B3GALT1: variants seen among roughly 807,000 people sequenced by gnomAD.
B3GALT1 encodes the protein beta-1,3-galactosyltransferase 1.
In B3GALT1, 10 loss-of-function variants were observed where a neutral mutation model predicts 23.2. The ratio of observed to expected loss-of-function variants is 0.43; its 90% CI spans 0.27 to 0.73. The LOEUF (loss-of-function observed/expected upper bound fraction) is 0.73, where lower values mean the gene tolerates loss of function less well. Among genes scored for constraint, B3GALT1 ranks in the 30% least tolerant of loss-of-function variants. The pLI, the probability that B3GALT1 is intolerant of heterozygous loss-of-function variation, is 0.21. For missense variants in B3GALT1, 299 were observed against 405.4 expected (o/e 0.74, Z 2.25); for synonymous variants, 156 against 141.5 (o/e 1.10, Z -0.73).
intron 3 of B3GALT1, among the ~76,000 whole-genome samples, chr2:167,729,295 G>C (rs968131750): frequency 1.3e-5 from 2 of 152,200 alleles, no homozygotes; most frequent in Non-Finnish European, 2.9e-5. Flanking sequence ...GACAAACATT[G>C]TCTGCTTCTT....
At position 167,869,230 on chromosome 2, in the gene B3GALT1, A is replaced by C. The variant is rs757583316; in HGVS notation, c.191A>C (p.Glu64Ala). The change falls in exon 5 of 5, where the codon GAA becomes GCA. Residue 64 changes from glutamate to alanine, a missense_variant. This residue lies in a region of B3GALT1 where 162 missense variants were observed against 184.1 expected (regional missense o/e 0.88). Coordinates refer to ENST00000392690, the MANE Select transcript of B3GALT1 (RefSeq NM_020981.4). The surrounding 1 kb of genome is among the most constrained non-coding windows in gnomAD (Gnocchi z 6.4). Reference sequence around the variant, plus strand: ...CGACCTATCAACCCACATTCTTTTGAATTTCTTATCAACGAGCCCAATAAA... The same window carrying C: ...CGACCTATCAACCCACATTCTTTTGCATTTCTTATCAACGAGCCCAATAAA... ...RTRPINPHSFEFLINEPNKCE... is the reference protein window; with the variant it reads ...RTRPINPHSFAFLINEPNKCE... 3 of 1,614,148 alleles carry C rather than the reference A, an allele frequency of 1.9e-6. No individual in the cohort carries two copies. Among genetic ancestry groups the C allele is most frequent in the Non-Finnish European group, 2.5e-6 (3 of 1,180,018 alleles).
intron 1 of B3GALT1, among the ~76,000 whole-genome samples, chr2:167,362,080 C>G (rs1697509039): frequency 6.6e-6 from 1 of 151,876 alleles, no homozygotes; most frequent in Non-Finnish European, 1.5e-5. Flanking sequence ...TCTCAAAAAA[C>G]AAAACAAAAT....
At chr2:167,355,989 G>T (rs1697395775) in intron 1 of B3GALT1, among the ~76,000 whole-genome samples, 1 of 152,144 alleles carries the variant, frequency 6.6e-6, no homozygotes, top group African/African-American at 2.4e-5. Context: ...GATTCATACA[G>T]TTTCCTAGTT....
At chr2:167,547,520 C>T (rs1017935715) in intron 2 of B3GALT1, among the ~76,000 whole-genome samples, 2 of 152,082 alleles carry the variant, frequency 1.3e-5, no homozygotes, top group Admixed American at 1.3e-4. Flanking sequence ...CATGGCAAAA[C>T]CCCTCTCTAC....
At chr2:167,856,106 G>A (rs896966042) in intron 4 of B3GALT1, among the ~76,000 whole-genome samples, 18 of 152,210 alleles carry the variant, frequency 1.2e-4, no homozygotes, top group African/African-American at 4.1e-4. Context: ...CATCTATGTC[G>A]ATGAACAAAA....
chr2:167,566,424 C>G (rs1048832304), intron 2 of B3GALT1, among the ~76,000 whole-genome samples: 6 of 151,714 alleles, frequency 4.0e-5, no homozygotes, highest in African/African-American at 1.5e-4. Flanking sequence ...ATGGGTGCAG[C>G]ACACCATCAT....
chr2:167,738,802 T>G (rs1297195391), intron 3 of B3GALT1, among the ~76,000 whole-genome samples: 1 of 140,000 alleles, frequency 7.1e-6, no homozygotes, highest in South Asian at 2.3e-4. Flanking sequence ...TGTATACTTT[T>G]GTGGGACCAA....
At chr2:167,386,772 G>A (rs1021227631) in intron 1 of B3GALT1, among the ~76,000 whole-genome samples, 3 of 152,126 alleles carry the variant, frequency 2.0e-5, no homozygotes, top group African/African-American at 7.2e-5. Context: ...GTATCCTTCC[G>A]CTTCTGGAAT....
chr2:167,506,676 A>G (rs149043988), intron 2 of B3GALT1, among the ~76,000 whole-genome samples: 18 of 152,338 alleles, frequency 1.2e-4, no homozygotes, highest in Admixed American at 2.0e-4. Context: ...CTAATACAGG[A>G]GACACATTAT....
chr2:167,843,609 A>G (rs1223659576), intron 4 of B3GALT1, among the ~76,000 whole-genome samples: 1 of 152,184 alleles, frequency 6.6e-6, no homozygotes, highest in African/African-American at 2.4e-5. Flanking sequence ...AACCAGGAAG[A>G]CTTCAAACCA....
At chr2:167,604,365 A>G (rs541205652) in intron 2 of B3GALT1, among the ~76,000 whole-genome samples, 12 of 152,370 alleles carry the variant, frequency 7.9e-5, no homozygotes, top group African/African-American at 2.9e-4. Context: ...GTTTGATTAC[A>G]TATCAAAAAC....
rs1039479618 is a variant in B3GALT1 at position 167,324,926 on chromosome 2, C to T, written c.-511+31592C>T. Among the ~76,000 whole-genome samples the T allele has an allele frequency of 2.6e-5, 4 of 152,214 alleles. No individual in the cohort carries two copies. The South Asian group carries it at 6.2e-4, about 24-fold the overall frequency. Reference sequence around the variant, plus strand: ...TCTCTCATTCCACTCTCCACCTCTACGTGGTCTACTTCTGTAGCTCCCACA... The same window carrying T: ...TCTCTCATTCCACTCTCCACCTCTATGTGGTCTACTTCTGTAGCTCCCACA... On this transcript the variant is annotated intron_variant, in intron 1 of 4. Transcript: ENST00000392690.
At chr2:167,740,020 G>T (rs894617484) in intron 3 of B3GALT1, among the ~76,000 whole-genome samples, 2 of 151,230 alleles carry the variant, frequency 1.3e-5, no homozygotes, top group South Asian at 2.1e-4. Context: ...GATCACTTGA[G>T]CCCAGGAGTT....
intron 1 of B3GALT1, among the ~76,000 whole-genome samples, chr2:167,386,954 A>G (rs974818523): frequency 5.3e-5 from 8 of 151,938 alleles, no homozygotes; most frequent in Non-Finnish European, 7.4e-5. Context: ...CGCTTGAGTG[A>G]CTCCTTGGTT....
At chr2:167,519,418 T>A (rs936873707) in intron 2 of B3GALT1, among the ~76,000 whole-genome samples, 2 of 152,012 alleles carry the variant, frequency 1.3e-5, no homozygotes, top group Non-Finnish European at 2.9e-5. Context: ...CAATTAAATT[T>A]AATTTAATTT....
chr2:167,539,952 C>T (rs1215850188), intron 2 of B3GALT1, among the ~76,000 whole-genome samples: 1 of 151,958 alleles, frequency 6.6e-6, no homozygotes, highest in East Asian at 1.9e-4. Flanking sequence ...TAACTCTATT[C>T]CTTCAGGAGA....
intron 2 of B3GALT1, among the ~76,000 whole-genome samples, chr2:167,537,766 GA>G (rs1389057790): frequency 1.3e-5 from 2 of 150,886 alleles, no homozygotes; most frequent in African/African-American, 4.9e-5. Context: ...AAAAATCTAT[GA>G]TTTCTAAAAG....
At chr2:167,332,810 T>C (rs1171279535) in intron 1 of B3GALT1, among the ~76,000 whole-genome samples, 1 of 152,222 alleles carries the variant, frequency 6.6e-6, no homozygotes, top group East Asian at 1.9e-4. Flanking sequence ...ATCATCAATC[T>C]TACTGTTATC....
chr2:167,619,500 A>G (rs1236921835), intron 2 of B3GALT1, among the ~76,000 whole-genome samples: 1 of 152,114 alleles, frequency 6.6e-6, no homozygotes, highest in Non-Finnish European at 1.5e-5. Flanking sequence ...TTTTGAGAGA[A>G]CACTTCTGTA....
Sources: allele counts gnomAD v4.1 joint callset (sites outside exome capture counted in the v4.1 genomes callset), GRCh38; gene constraint gnomAD v4.1.1; regional missense constraint gnomAD v4.1.1; non-coding constraint Gnocchi (gnomAD v3.1); transcripts MANE v1.5; gene names NCBI Gene and HGNC (gene_info 2026-07-23, HGNC 2026-07-21).